CNOT6: variants seen among roughly 807,000 people sequenced by gnomAD.
The protein encoded by CNOT6 is carbon catabolite repression 4 protein.
CNOT6 carries 12 observed loss-of-function variants against 61.2 expected under a neutral mutation model. That is an observed-to-expected ratio of 0.20 (90% CI 0.13 to 0.32). The LOEUF (loss-of-function observed/expected upper bound fraction) is 0.32, where lower values mean the gene tolerates loss of function less well. Among genes scored for constraint, CNOT6 ranks in the 10% least tolerant of loss-of-function variants. The probability of loss-of-function intolerance (pLI) is 1.00; values close to 1 mark genes in which losing one functional copy is unlikely to be tolerated. For synonymous variants in CNOT6, 225 were observed against 240.6 expected (o/e 0.94, Z 0.60); for missense variants, 405 against 663.9 (o/e 0.61, Z 4.28).
chr5:180,505,234 A>G (rs1407927020), intron 1 of CNOT6, among the ~76,000 whole-genome samples: 4 of 143,510 alleles, frequency 2.8e-5, no homozygotes, highest in South Asian at 2.2e-4. Flanking sequence ...TACTGGGATT[A>G]CAGGCGGTAA....
At chr5:180,529,067 G>A (rs192255425) in intron 1 of CNOT6, among the ~76,000 whole-genome samples, 1 of 152,098 alleles carries the variant, frequency 6.6e-6, no homozygotes, top group African/African-American at 2.4e-5. Context: ...AAATGAGCCC[G>A]GCATGGTGGT....
chr5:180,512,254 G>T (rs1168879040), intron 1 of CNOT6, among the ~76,000 whole-genome samples: 2 of 152,170 alleles, frequency 1.3e-5, no homozygotes, highest in Non-Finnish European at 2.9e-5. Flanking sequence ...CACTGTGGAG[G>T]CTAGGTGGGA....
chr5:180,556,045 A>C (rs1168939127), intron 4 of CNOT6, among the ~76,000 whole-genome samples: 1 of 152,198 alleles, frequency 6.6e-6, no homozygotes, highest in Admixed American at 6.5e-5. Context: ...ACAAGAAATA[A>C]TACAGAACAA....
chr5:180,502,739 T>C (rs1030410748), intron 1 of CNOT6, among the ~76,000 whole-genome samples: 1 of 152,176 alleles, frequency 6.6e-6, no homozygotes, highest in African/African-American at 2.4e-5. Flanking sequence ...CGGAGATAGA[T>C]GTGTTAGTAA....
chr5:180,497,126 G>A (rs543756859), intron 1 of CNOT6, among the ~76,000 whole-genome samples: 1 of 152,050 alleles, frequency 6.6e-6, no homozygotes, highest in African/African-American at 2.4e-5. Context: ...TCAGGAGTTC[G>A]AGGCAAGCCT....
At chr5:180,511,001 T>C (rs1757364050) in intron 1 of CNOT6, among the ~76,000 whole-genome samples, 1 of 152,056 alleles carries the variant, frequency 6.6e-6, no homozygotes, top group South Asian at 2.1e-4. Flanking sequence ...GATGGGGTTT[T>C]GCCATGTTGG....
chr5:180,562,013 T>C (rs1760213949), intron 4 of CNOT6, among the ~76,000 whole-genome samples: 1 of 152,242 alleles, frequency 6.6e-6, no homozygotes, highest in South Asian at 2.1e-4. Context: ...CTAAAACTTT[T>C]GTCCTTTTAG....
intron 11 of CNOT6, 140 bp from the exon 12 acceptor site, chr5:180,573,848 A>G: frequency 1.5e-6 from 1 of 649,120 alleles, no homozygotes. Context: ...TGTATGTAGT[A>G]CAGACCTCAT....
chr5:180,523,672 C>G (rs1757969389), intron 1 of CNOT6, among the ~76,000 whole-genome samples: 1 of 152,080 alleles, frequency 6.6e-6, no homozygotes, highest in Admixed American at 6.6e-5. Flanking sequence ...CACTTTACTT[C>G]ATATTCTGCT....
intron 1 of CNOT6, among the ~76,000 whole-genome samples, chr5:180,498,914 C>T (rs28625008): frequency 6.6e-6 from 1 of 152,174 alleles, no homozygotes; most frequent in Non-Finnish European, 1.5e-5. Flanking sequence ...TTCAGCCTCC[C>T]GAGTAGCTGG....
intron 3 of CNOT6, among the ~76,000 whole-genome samples, chr5:180,550,644 A>T (rs1384864617): frequency 6.6e-6 from 1 of 152,182 alleles, no homozygotes; most frequent in Non-Finnish European, 1.5e-5. Context: ...TTTGTGTAAT[A>T]GACTTTATTT....
At chr5:180,537,939 T>A (rs1447472406) in intron 2 of CNOT6, among the ~76,000 whole-genome samples, 1 of 151,920 alleles carries the variant, frequency 6.6e-6, no homozygotes, top group African/African-American at 2.4e-5. Flanking sequence ...GTTTTAAGGC[T>A]GGGTGCAGTG....
intron 9 of CNOT6, 92 bp from the exon 10 acceptor site, chr5:180,569,018 C>CT: frequency 4.4e-6 from 4 of 910,534 alleles, no homozygotes; most frequent in Non-Finnish European, 3.3e-6. Flanking sequence ...TTCTGGGACT[C>CT]TGAGAGATTA....
At chr5:180,552,262 G>A (rs182981079) in intron 3 of CNOT6, among the ~76,000 whole-genome samples, 92 of 152,226 alleles carry the variant, frequency 6.0e-4, no homozygotes, top group Non-Finnish European at 1.1e-3. Context: ...CAGCCACACA[G>A]ACCTTCTGGC....
At chr5:180,503,706 A>G (rs1411217643) in intron 1 of CNOT6, among the ~76,000 whole-genome samples, 1 of 146,222 alleles carries the variant, frequency 6.8e-6, no homozygotes. Context: ...CCCGGGTTCA[A>G]GCGATTCCCT....
intron 4 of CNOT6, among the ~76,000 whole-genome samples, chr5:180,555,250 G>A (rs111742798): frequency 6.6e-6 from 1 of 152,056 alleles, no homozygotes; most frequent in African/African-American, 2.4e-5. Flanking sequence ...CAAGTCATTT[G>A]CCCTCCTTGG....
At chr5:180,531,054 A>G (rs906555420) in intron 2 of CNOT6, among the ~76,000 whole-genome samples, 1 of 152,148 alleles carries the variant, frequency 6.6e-6, no homozygotes, top group South Asian at 2.1e-4. Flanking sequence ...CGTTGTCATC[A>G]TGGCCCGTTC....
intron 11 of CNOT6, 43 bp downstream of exon 11, chr5:180,571,475 T>TAAAA: frequency 7.1e-7 from 1 of 1,400,690 alleles, no homozygotes; most frequent in Non-Finnish European, 1.0e-6. Context: ...TGTCTTTTAC[T>TAAAA]GGCAGGTGTT....
intron 4 of CNOT6, among the ~76,000 whole-genome samples, chr5:180,563,241 A>C (rs1172270876): frequency 6.9e-6 from 1 of 145,828 alleles, no homozygotes; most frequent in Non-Finnish European, 1.5e-5. Flanking sequence ...TTTGAGACAG[A>C]GTCTCGCTCT....
Sources: gnomAD v4.1 joint callset for allele counts (sites outside exome capture counted in the v4.1 genomes callset) on GRCh38, gnomAD v4.1.1 for gene constraint, MANE v1.5 for transcripts, NCBI Gene and HGNC (gene_info 2026-07-23, HGNC 2026-07-21) for gene names.